APP: variants seen among roughly 807,000 people sequenced by gnomAD.
APP encodes the protein amyloid beta precursor protein.
A neutral mutation model predicts 101.4 loss-of-function variants in APP; 31 were observed. The observed-to-expected ratio is 0.31, with a 90% CI of 0.23 to 0.41. APP has a LOEUF of 0.41. Among genes scored for constraint, APP ranks in the 10% least tolerant of loss-of-function variants. The pLI is 1.00. For missense variants in APP, 839 were observed against 1,003.7 expected (o/e 0.84, Z 2.22); for synonymous variants, 366 against 364.4 (o/e 1.00, Z -0.05).
chr21:25,966,503 T>C (rs2041802442), intron 11 of APP, among the ~76,000 whole-genome samples: 1 of 152,226 alleles, frequency 6.6e-6, no homozygotes, highest in Non-Finnish European at 1.5e-5. Context: ...ATTAGCTTCA[T>C]AAAATTTTGG....
intron 1 of APP, among the ~76,000 whole-genome samples, chr21:26,143,642 C>A (rs771962247): frequency 7.9e-5 from 12 of 152,160 alleles, no homozygotes; most frequent in Non-Finnish European, 1.3e-4. Context: ...AGTCACTAGG[C>A]TGTACATTAG....
At chr21:26,022,097 G>A (rs2044368278) in intron 5 of APP, 55 bp from the exon 6 acceptor site, 5 of 1,595,986 alleles carry the variant, frequency 3.1e-6, no homozygotes, top group Non-Finnish European at 4.3e-6. Context: ...TTTCAGGGAA[G>A]GAAAAGAAAA....
intron 3 of APP, among the ~76,000 whole-genome samples, chr21:26,076,153 C>A (rs769901125): frequency 7.9e-5 from 12 of 152,148 alleles, no homozygotes; most frequent in Non-Finnish European, 1.5e-4. Context: ...CTCGGCCTCC[C>A]AAAGTGCTGG....
intron 5 of APP, among the ~76,000 whole-genome samples, chr21:26,030,527 A>G (rs2044773034): frequency 6.6e-6 from 1 of 152,224 alleles, no homozygotes; most frequent in African/African-American, 2.4e-5. Context: ...TTAAAGGGGG[A>G]AAATGATATT....
intron 1 of APP, among the ~76,000 whole-genome samples, chr21:26,142,054 A>G (rs1430290016): frequency 2.0e-5 from 3 of 152,186 alleles, no homozygotes; most frequent in African/African-American, 7.2e-5. Flanking sequence ...ATGGAAGAAT[A>G]GGAAACAGTA....
chr21:26,091,369 T>A (rs1326376868), intron 2 of APP, among the ~76,000 whole-genome samples: 1 of 151,908 alleles, frequency 6.6e-6, no homozygotes, highest in Non-Finnish European at 1.5e-5. Context: ...ACTTGGAGAG[T>A]CAAATAATTG....
chr21:26,091,961 T>C lies in APP; in HGVS notation c.226-1889A>G, dbSNP rs77764994. Among the ~76,000 whole-genome samples, 93 of 152,214 alleles carry C rather than the reference T, an allele frequency of 6.1e-4. 1 individual carries two copies. The East Asian group carries it at 0.018, about 29-fold the overall frequency. On this transcript the variant is annotated intron_variant, in intron 2 of 17. Transcript: ENST00000346798. ...ACGATACACGGAATTTCACTCACAA[T>C]TGTCCATGACATTCAGAGGGCTTGA...
At chr21:25,997,944 AAACC>A (rs1254658379) in intron 7 of APP, among the ~76,000 whole-genome samples, 1 of 152,132 alleles carries the variant, frequency 6.6e-6, no homozygotes, top group Non-Finnish European at 1.5e-5. Flanking sequence ...ACCTTTTGCA[AAACC>A]CTCAGCAAAC....
At chr21:26,118,145 T>C (rs1160458188) in intron 1 of APP, among the ~76,000 whole-genome samples, 3 of 152,188 alleles carry the variant, frequency 2.0e-5, no homozygotes, top group Non-Finnish European at 4.4e-5. Flanking sequence ...CAGTAAGTCA[T>C]GCTTGCTGCT....
chr21:26,103,595 C>T (rs4380328), intron 2 of APP, among the ~76,000 whole-genome samples: 47,245 of 151,300 alleles, frequency 0.31, 9,445 homozygotes, highest in African/African-American at 0.55. Context: ...AGTGAGATCC[C>T]GTCAAAAAAA....
In APP at chr21:25,954,696, C is replaced by T. The variant is rs749829722; in HGVS notation, c.1588-7G>A. On this transcript the variant is annotated splice_polypyrimidine_tract_variant and splice_region_variant and intron_variant, in intron 12 of 17. Coordinates refer to ENST00000346798, the MANE Select transcript of APP (RefSeq NM_000484.4). ...CACGGAGGTGTGTCATAACCTGCATCAAAGGATGACAACTCCAGGTCAACA... is the reference window on the plus strand; with the variant it reads ...CACGGAGGTGTGTCATAACCTGCATTAAAGGATGACAACTCCAGGTCAACA... The T allele has an allele frequency of 1.9e-6, 3 of 1,604,626 alleles. No homozygotes were observed. Among genetic ancestry groups the T allele is most frequent in the Non-Finnish European group, 2.6e-6 (3 of 1,171,708 alleles).
chr21:26,004,140 C>G (rs1404134861), intron 6 of APP, among the ~76,000 whole-genome samples: 3 of 152,134 alleles, frequency 2.0e-5, no homozygotes, highest in Non-Finnish European at 4.4e-5. Context: ...AAGAAATGGC[C>G]AGTGCCTCTC....
At chr21:25,918,506 G>A (rs368481037) in intron 13 of APP, among the ~76,000 whole-genome samples, 9 of 152,022 alleles carry the variant, frequency 5.9e-5, no homozygotes, top group Non-Finnish European at 1.3e-4. Flanking sequence ...GACAGTGGGC[G>A]CAGGCCAGTG....
intron 17 of APP, among the ~76,000 whole-genome samples, chr21:25,890,864 A>G (rs1486152019): frequency 6.6e-6 from 1 of 152,184 alleles, no homozygotes; most frequent in African/African-American, 2.4e-5. Flanking sequence ...GTCATCATCA[A>G]TAAATCTTTC....
Position 26,170,736 on chromosome 21 carries a change from G to C in APP, c.-116C>G. 9.1e-7 allele frequency: 1 copy of C among 1,103,230 alleles called. No homozygotes were observed. Among genetic ancestry groups the C allele is most frequent in the South Asian group, 1.8e-5 (1 of 56,012 alleles). 68.3% of individuals were successfully genotyped at this position (1,103,230 alleles called of 1,614,324 possible). ...CCGGGGCCCCCGCGCACGCTCCTCC[G>C]CGTGCTCTCGCCTACCGCTGCCGAG... On this transcript the variant is annotated 5_prime_UTR_variant, in exon 1 of 18. Transcript: ENST00000346798.
intron 5 of APP, among the ~76,000 whole-genome samples, chr21:26,040,156 T>C (rs145314017): frequency 2.9e-4 from 44 of 152,350 alleles, no homozygotes; most frequent in Admixed American, 2.5e-3. Context: ...GAAAGGAAGT[T>C]TGTATACATT....
At chr21:25,888,754 A>C (rs1443607423) in intron 17 of APP, among the ~76,000 whole-genome samples, 1 of 145,006 alleles carries the variant, frequency 6.9e-6, no homozygotes, top group Non-Finnish European at 1.5e-5. Flanking sequence ...CCAATGAGAC[A>C]CTGCTTGGTA....
At chr21:25,957,492 C>A (rs1299655990) in intron 11 of APP, among the ~76,000 whole-genome samples, 2 of 152,094 alleles carry the variant, frequency 1.3e-5, no homozygotes, top group African/African-American at 4.8e-5. Flanking sequence ...TTATTAAGCA[C>A]CAAGGTCTTA....
At chr21:25,910,201 A>G in intron 14 of APP, among the ~76,000 whole-genome samples, 1 of 108 alleles carries the variant, frequency 9.3e-3, no homozygotes, top group East Asian at 0.12. Context: ...ATCTCAGCTC[A>G]CTGGCCACGT....
Sources: allele counts gnomAD v4.1 joint callset (sites outside exome capture counted in the v4.1 genomes callset), GRCh38; gene constraint gnomAD v4.1.1; transcripts MANE v1.5; gene names NCBI Gene and HGNC (gene_info 2026-07-23, HGNC 2026-07-21).